The following SLC26A8 variants were observed in gnomAD, a reference collection of about 807,000 sequenced individuals.
The protein encoded by SLC26A8 is solute carrier family 26 member 8, also known as testis anion transporter 1.
In SLC26A8, 70 loss-of-function variants were observed where a neutral mutation model predicts 105.0. The ratio of observed to expected loss-of-function variants is 0.67; its 90% CI spans 0.55 to 0.81. SLC26A8 has a LOEUF of 0.81. Among genes scored for constraint, SLC26A8 ranks in the 40% least tolerant of loss-of-function variants. The pLI, the probability that SLC26A8 is intolerant of heterozygous loss-of-function variation, is 0.00. For synonymous variants in SLC26A8, 415 were observed against 438.3 expected (o/e 0.95, Z 0.66); for missense variants, 998 against 1,181.8 (o/e 0.84, Z 2.28).
intron 7 of SLC26A8, among the ~76,000 whole-genome samples, chr6:35,988,359 T>C (rs1045662036): frequency 1.3e-5 from 2 of 152,168 alleles, no homozygotes; most frequent in African/African-American, 4.8e-5. Flanking sequence ...AGAGGCCAGA[T>C]GCATTGGCTC....
Position 36,004,775 on chromosome 6 carries a change from A to C in SLC26A8, c.329-4667T>G, listed in dbSNP as rs1385598809. On this transcript the variant is annotated intron_variant, in intron 3 of 19. Coordinates refer to ENST00000490799, the MANE Select transcript of SLC26A8 (RefSeq NM_052961.4). ...AGTGATCCTTCCACCTCAGCCTCCC[A>C]AAGTAGCTGGGACTACAGGCGCTTG... Among the ~76,000 whole-genome samples, 3 of 150,958 alleles carry C rather than the reference A, an allele frequency of 2.0e-5. No individual in the cohort carries two copies. In the East Asian group the frequency reaches 5.8e-4, roughly 29 times the overall value.
chr6:35,997,824 C>T lies in SLC26A8; in HGVS notation c.541G>A (p.Glu181Lys), dbSNP rs1329057169. ...QLVMGSFVKN[E>K]FSAPSYLMGY... The stretch of plus-strand genomic sequence containing the variant: ...ATAAGGTAGGAGGGGGCCGAAAACT[C>T]ATTCTTGACGAAAGATCCCATGACC... The change falls in exon 5 of 20, where the codon GAG becomes AAG. Residue 181 changes from glutamate to lysine, a missense_variant. By Grantham distance (56) the Glu-to-Lys change is moderately conservative (BLOSUM62 1). Transcript: ENST00000490799. The T allele has an allele frequency of 1.9e-6, 3 of 1,614,148 alleles. No homozygotes were observed. The Admixed American group carries it at 5.0e-5, about 27-fold the overall frequency.
rs937349239 is a variant in SLC26A8, at chr6:35,983,813, C to T, written c.943-1610G>A. ...CAGGTGATCCTCCTACCTCGGCCTC[C>T]CAAAGTGCTGGGATTACAGGCGTGA... On this transcript the variant is annotated intron_variant, in intron 7 of 19. Coordinates refer to ENST00000490799, the MANE Select transcript of SLC26A8 (RefSeq NM_052961.4). 2.6e-5 allele frequency among the ~76,000 whole-genome samples: 4 copies of T among 152,260 alleles called. No homozygotes were observed. The South Asian group carries it at 6.2e-4, about 24-fold the overall frequency.
At chr6:36,015,362 CG>C (rs1247323839) in intron 2 of SLC26A8, among the ~76,000 whole-genome samples, 1 of 152,180 alleles carries the variant, frequency 6.6e-6, no homozygotes, top group Non-Finnish European at 1.5e-5. Context: ...CTGCCTGCCT[CG>C]GCCTCCCAGA....
chr6:35,959,918 AT>A (rs567164156), intron 14 of SLC26A8, 112 bp from the exon 15 acceptor site: 154 of 892,394 alleles, frequency 1.7e-4, no homozygotes, highest in East Asian at 4.6e-4. Context: ...TTATTTTTTT[AT>A]TTTTTTTGAG....
intron 1 of SLC26A8, among the ~76,000 whole-genome samples, chr6:36,021,265 G>A (rs1290151952): frequency 1.3e-5 from 2 of 152,054 alleles, no homozygotes; most frequent in East Asian, 3.8e-4. Flanking sequence ...GATAATTAGT[G>A]CCTCATGTCT....
chr6:36,008,987 T>C lies in SLC26A8; in HGVS notation c.328+3246A>G, dbSNP rs143628337. Among the ~76,000 whole-genome samples, 87 of 152,304 alleles carry C rather than the reference T, an allele frequency of 5.7e-4. No homozygotes were observed. In the East Asian group the frequency reaches 0.011, roughly 19 times the overall value. ...GAAAAAAGGCAACAGGCAACTCCTA[T>C]ATACTCCAGCAATGTACTACACTCC... On this transcript the variant is annotated intron_variant, in intron 3 of 19. Transcript: ENST00000490799.
At chr6:36,004,074 C>CTTT (rs1184419646) in intron 3 of SLC26A8, among the ~76,000 whole-genome samples, 9 of 114,422 alleles carry the variant, frequency 7.9e-5, no homozygotes, top group African/African-American at 9.9e-5. Context: ...TTTATTTCTG[C>CTTT]TTTTTTTTTT....
chr6:36,016,579 G>C (rs1173090423), intron 2 of SLC26A8, among the ~76,000 whole-genome samples: 1 of 152,146 alleles, frequency 6.6e-6, no homozygotes, highest in Non-Finnish European at 1.5e-5. Context: ...TTAGACCCAT[G>C]TTATTAAATA....
At chr6:36,017,527 G>A (rs1411046935) in intron 2 of SLC26A8, among the ~76,000 whole-genome samples, 1 of 152,130 alleles carries the variant, frequency 6.6e-6, no homozygotes, top group Non-Finnish European at 1.5e-5. Context: ...CACTACTCAG[G>A]AGGCTGAGGC....
intron 2 of SLC26A8, among the ~76,000 whole-genome samples, chr6:36,019,194 G>A (rs1762066705): frequency 6.6e-6 from 1 of 152,112 alleles, no homozygotes; most frequent in African/African-American, 2.4e-5. Flanking sequence ...CTGAAGTGCT[G>A]GGATTACGGG....
At chr6:35,965,536 G>C (rs1181941805) in intron 11 of SLC26A8, among the ~76,000 whole-genome samples, 2 of 151,804 alleles carry the variant, frequency 1.3e-5, no homozygotes, top group Admixed American at 1.3e-4. Context: ...AAAAAAGTTA[G>C]CCGGGTGTGG....
intron 16 of SLC26A8, among the ~76,000 whole-genome samples, chr6:35,957,804 C>T (rs1333634528): frequency 6.6e-6 from 1 of 152,098 alleles, no homozygotes; most frequent in Non-Finnish European, 1.5e-5. Context: ...CAGGGTTTCA[C>T]CATGTTGGCC....
chr6:35,950,112 CTG>C (rs1771815814), intron 19 of SLC26A8, among the ~76,000 whole-genome samples: 1 of 151,376 alleles, frequency 6.6e-6, no homozygotes, highest in South Asian at 2.1e-4. Context: ...ACGGTCTTAA[CTG>C]TTTCAGATGT....
intron 8 of SLC26A8, among the ~76,000 whole-genome samples, chr6:35,980,577 C>T (rs1022352855): frequency 6.6e-6 from 1 of 152,092 alleles, no homozygotes; most frequent in African/African-American, 2.4e-5. Context: ...TCGTGTCTTG[C>T]TTATCTTTGT....
At chr6:35,954,888 T>A in intron 17 of SLC26A8, 1 of 359,562 alleles carries the variant, frequency 2.8e-6, no homozygotes. Context: ...GAGGTTGCAG[T>A]GAGCCAAGAT....
rs1213287546 is a variant in SLC26A8, at chr6:35,951,464, T to C, written c.2268A>G (p.Ile756Met). 2 of 1,614,066 alleles carry C rather than the reference T, an allele frequency of 1.2e-6. No individual in the cohort carries two copies. Among genetic ancestry groups the C allele is most frequent in the South Asian group, 1.1e-5 (1 of 91,074 alleles). ...ACTCACAGTGACACCCTGCAATGAG[T>C]ATCAAAATGTTGGCGTTTTGAAAGG... ...CNAFQNANIL[I>M]LIAGCHSSIV... The change falls in exon 18 of 20, where the codon ATA becomes ATG. Residue 756 changes from isoleucine (I) to methionine (M), a missense_variant. By Grantham distance (10) the Ile-to-Met change is conservative. Coordinates refer to ENST00000490799, the MANE Select transcript of SLC26A8 (RefSeq NM_052961.4).
chr6:35,959,838 T>A, intron 14 of SLC26A8, 32 bp from the exon 15 acceptor site: 5 of 1,316,264 alleles, frequency 3.8e-6, no homozygotes, highest in Non-Finnish European at 5.4e-6. Context: ...TGAGGGAAAT[T>A]TCTCAGTTAT....
intron 8 of SLC26A8, among the ~76,000 whole-genome samples, chr6:35,979,059 C>A (rs1322435711): frequency 2.0e-5 from 3 of 147,316 alleles, no homozygotes; most frequent in Non-Finnish European, 4.5e-5. Context: ...ACCATGTTGC[C>A]CAGGTTGGTC....
Sources: gnomAD v4.1 joint callset for allele counts (sites outside exome capture counted in the v4.1 genomes callset) on GRCh38, gnomAD v4.1.1 for gene constraint, MANE v1.5 for transcripts, NCBI Gene and HGNC (gene_info 2026-07-23, HGNC 2026-07-21) for gene names.